Variants in CERS6 observed in about 807,000 individuals in gnomAD.
The protein encoded by CERS6 is LAG1 homolog, ceramide synthase 6.
A neutral mutation model predicts 56.8 loss-of-function variants in CERS6; 26 were observed. That is an observed-to-expected ratio of 0.46 (90% CI 0.34 to 0.63). The LOEUF (loss-of-function observed/expected upper bound fraction) is 0.63. Ranked by LOEUF, CERS6 falls within the 30% of genes least tolerant of loss-of-function variation. The pLI is 0.01. For missense variants in CERS6, 415 were observed against 467.5 expected, an observed-to-expected ratio of 0.89 and a Z score of 1.04; for synonymous variants, 164 against 173.3, an observed-to-expected ratio of 0.95 and a Z score of 0.42.
At chr2:168,575,431 C>G (rs1353038334) in intron 3 of CERS6, among the ~76,000 whole-genome samples, 1 of 151,692 alleles carries the variant, frequency 6.6e-6, no homozygotes, top group Non-Finnish European at 1.5e-5. Flanking sequence ...TGAGGAAGTG[C>G]CACTTCCTCA....
chr2:168,596,792 A>G (rs1683810653), intron 3 of CERS6, among the ~76,000 whole-genome samples: 1 of 152,146 alleles, frequency 6.6e-6, no homozygotes, highest in South Asian at 2.1e-4. Flanking sequence ...TTGGCGTCCC[A>G]AAGTGCTGGA....
chr2:168,621,138 G>C (rs746575758), intron 3 of CERS6, among the ~76,000 whole-genome samples: 1 of 152,136 alleles, frequency 6.6e-6, no homozygotes, highest in Non-Finnish European at 1.5e-5. Flanking sequence ...TTTGTCTTCA[G>C]TCTGCTTTCA....
intron 4 of CERS6, among the ~76,000 whole-genome samples, chr2:168,637,056 G>T (rs1684876837): frequency 6.6e-6 from 1 of 152,170 alleles, no homozygotes; most frequent in Admixed American, 6.5e-5. Context: ...ATTCAGTAAA[G>T]AATTTGAAAT....
At chr2:168,669,243 C>T (rs1330667173) in intron 4 of CERS6, among the ~76,000 whole-genome samples, 1 of 152,170 alleles carries the variant, frequency 6.6e-6, no homozygotes, top group Admixed American at 6.5e-5. Flanking sequence ...GCTGCTGGAA[C>T]TCCAGCCAGC....
At chr2:168,527,606 G>C (rs1222599993) in intron 1 of CERS6, among the ~76,000 whole-genome samples, 1 of 152,128 alleles carries the variant, frequency 6.6e-6, no homozygotes, top group Non-Finnish European at 1.5e-5. Flanking sequence ...CCAAGTCTCT[G>C]CTTCCAAGAT....
At chr2:168,651,528 G>A (rs1300128739) in intron 4 of CERS6, among the ~76,000 whole-genome samples, 4 of 152,178 alleles carry the variant, frequency 2.6e-5, no homozygotes, top group Non-Finnish European at 5.9e-5. Flanking sequence ...TTGACTCACA[G>A]TTCCACATGG....
At chr2:168,484,571 A>G (rs2105335085) in intron 1 of CERS6, among the ~76,000 whole-genome samples, 1 of 152,182 alleles carries the variant, frequency 6.6e-6, no homozygotes, top group South Asian at 2.1e-4. Context: ...TCATAGACAC[A>G]TAATCATTAA....
At chr2:168,517,743 T>G (rs1407080611) in intron 1 of CERS6, among the ~76,000 whole-genome samples, 1 of 152,116 alleles carries the variant, frequency 6.6e-6, no homozygotes, top group Admixed American at 6.6e-5. Flanking sequence ...TTCTTGGAAC[T>G]GGAATTAATT....
intron 8 of CERS6, among the ~76,000 whole-genome samples, chr2:168,739,985 G>A (rs934468465): frequency 3.1e-4 from 47 of 152,240 alleles, no homozygotes; most frequent in Middle Eastern, 6.8e-3. Context: ...ACAGGCATGA[G>A]TCACTGCGCC....
At chr2:168,759,676 T>G (rs780366645) in intron 8 of CERS6, among the ~76,000 whole-genome samples, 7 of 152,216 alleles carry the variant, frequency 4.6e-5, no homozygotes, top group Non-Finnish European at 1.0e-4. Context: ...TTATGGGTTC[T>G]TTATCTTAAC....
At chr2:168,574,070 A>C (rs112977660) in intron 3 of CERS6, among the ~76,000 whole-genome samples, 13 of 152,188 alleles carry the variant, frequency 8.5e-5, no homozygotes, top group Admixed American at 2.0e-4. Flanking sequence ...TTTCCCTTCC[A>C]TTATTCATTG....
chr2:168,535,149 G>A (rs182613934), intron 1 of CERS6, among the ~76,000 whole-genome samples: 63 of 152,362 alleles, frequency 4.1e-4, no homozygotes, highest in African/African-American at 1.5e-3. Flanking sequence ...ATGTTAAGCA[G>A]TGTGAGTCCC....
intron 3 of CERS6, 37 bp downstream of exon 3, chr2:168,561,359 A>C (rs1488298891): frequency 6.2e-7 from 1 of 1,613,006 alleles, no homozygotes; most frequent in East Asian, 2.2e-5. Flanking sequence ...GAAAAGACCT[A>C]AGTACTCATG....
At chr2:168,696,111 G>T (rs578223198) in intron 6 of CERS6, among the ~76,000 whole-genome samples, 1 of 152,166 alleles carries the variant, frequency 6.6e-6, no homozygotes, top group African/African-American at 2.4e-5. Flanking sequence ...AACGTATATT[G>T]TGTTATTTTT....
intron 1 of CERS6, among the ~76,000 whole-genome samples, chr2:168,523,048 A>T (rs148337863): frequency 1.3e-5 from 2 of 152,220 alleles, no homozygotes; most frequent in Admixed American, 6.5e-5. Context: ...ACAGTACCTG[A>T]TTGATACTGA....
chr2:168,503,424 A>G (rs1382883222), intron 1 of CERS6, among the ~76,000 whole-genome samples: 1 of 152,222 alleles, frequency 6.6e-6, no homozygotes. Flanking sequence ...TTAGGTTACA[A>G]GAGGAGGAGA....
chr2:168,763,664 A>G (rs1314625489), intron 8 of CERS6, among the ~76,000 whole-genome samples: 1 of 152,100 alleles, frequency 6.6e-6, no homozygotes, highest in Non-Finnish European at 1.5e-5. Context: ...ATGTTTTTAT[A>G]TGAGTGGTCT....
At chr2:168,754,483 A>G (rs1385719355) in intron 8 of CERS6, among the ~76,000 whole-genome samples, 1 of 152,210 alleles carries the variant, frequency 6.6e-6, no homozygotes, top group Non-Finnish European at 1.5e-5. Context: ...TGCAGTGCAG[A>G]TGAGGTAAGG....
At chr2:168,586,103 CCTCCCAGTTAGCTGGGACTA>C (rs1484600257) in intron 3 of CERS6, among the ~76,000 whole-genome samples, 1 of 152,010 alleles carries the variant, frequency 6.6e-6, no homozygotes, top group East Asian at 1.9e-4. Flanking sequence ...CCCATCTCAG[CCTCCCAGTTAGCTGGGACTA>C]CAGGCTTGCA....
Sources: gnomAD v4.1 joint callset for allele counts (sites outside exome capture counted in the v4.1 genomes callset) on GRCh38, gnomAD v4.1.1 for gene constraint, MANE v1.5 for transcripts, NCBI Gene and HGNC (gene_info 2026-07-23, HGNC 2026-07-21) for gene names.